The following SYN2 variants were observed in gnomAD, a reference collection of about 807,000 sequenced individuals.
The protein encoded by SYN2 is synapsin II.
In SYN2, 19 loss-of-function variants were observed where a neutral mutation model predicts 50.9. The ratio of observed to expected loss-of-function variants is 0.37; its 90% CI spans 0.26 to 0.55. SYN2 has a LOEUF of 0.55. Ranked by LOEUF, SYN2 falls within the 20% of genes least tolerant of loss-of-function variation. The pLI, the probability that SYN2 is intolerant of heterozygous loss-of-function variation, is 0.81. For missense variants in SYN2, 587 were observed against 576.4 expected (o/e 1.02, Z -0.19); for synonymous variants, 255 against 224.9 (o/e 1.13, Z -1.20).
intron 1 of SYN2, among the ~76,000 whole-genome samples, chr3:12,109,879 T>G (rs1195556989): frequency 2.6e-5 from 4 of 152,170 alleles, no homozygotes; most frequent in Non-Finnish European, 5.9e-5. Context: ...AAATAAAACC[T>G]CTGTATTTTC....
intron 1 of SYN2, among the ~76,000 whole-genome samples, chr3:12,019,042 G>T (rs1416950140): frequency 2.0e-5 from 3 of 152,204 alleles, no homozygotes; most frequent in Non-Finnish European, 4.4e-5. Flanking sequence ...CTCCAATGAT[G>T]CCTCTTATTC....
At chr3:12,020,605 C>G (rs1013915019) in intron 1 of SYN2, among the ~76,000 whole-genome samples, 7 of 152,134 alleles carry the variant, frequency 4.6e-5, no homozygotes, top group Admixed American at 1.3e-4. Context: ...AAGAAGGACT[C>G]TCCAGAGATT....
chr3:12,051,025 G>A (rs985357824), intron 1 of SYN2, among the ~76,000 whole-genome samples: 9 of 151,988 alleles, frequency 5.9e-5, no homozygotes, highest in Admixed American at 1.3e-4. Flanking sequence ...GTGAGCCACC[G>A]CGCCCGGCCT....
chr3:12,092,517 G>C lies in SYN2; in HGVS notation c.378-48134G>C, dbSNP rs1047667013. ...TCATATCTGAATGGCTTTGAAGAGA[G>C]TAAAATTTCTCCAGACAAAGGAACT... On this transcript the variant is annotated intron_variant, in intron 1 of 12. Coordinates refer to ENST00000621198, the MANE Select transcript of SYN2 (RefSeq NM_133625.6). Among the ~76,000 whole-genome samples the C allele has an allele frequency of 3.3e-5, 5 of 152,160 alleles. No homozygotes were observed. In the East Asian group the frequency reaches 9.6e-4, roughly 29 times the overall value.
At chr3:12,126,669 A>T (rs1481149741) in intron 1 of SYN2, among the ~76,000 whole-genome samples, 2 of 152,198 alleles carry the variant, frequency 1.3e-5, no homozygotes, top group Non-Finnish European at 2.9e-5. Context: ...CAGTAGTTGT[A>T]TGACCTTGAA....
At chr3:12,141,826 G>A (rs1334616606) in intron 2 of SYN2, 79 bp from the exon 3 acceptor site, 2 of 759,614 alleles carry the variant, frequency 2.6e-6, no homozygotes, top group East Asian at 4.9e-5. Flanking sequence ...ATGTTTGGTG[G>A]TAGGGATGTT....
intron 1 of SYN2, among the ~76,000 whole-genome samples, chr3:12,087,150 A>C (rs572810181): frequency 6.6e-6 from 1 of 152,344 alleles, no homozygotes; most frequent in East Asian, 1.9e-4. Flanking sequence ...TAGTAAATTT[A>C]ACCAAAGAGG....
chr3:12,053,149 A>C (rs1205611444), intron 1 of SYN2, among the ~76,000 whole-genome samples: 3 of 152,136 alleles, frequency 2.0e-5, no homozygotes, highest in Admixed American at 2.0e-4. Context: ...CCGGCCAGGC[A>C]CGGTGGCTCA....
intron 1 of SYN2, among the ~76,000 whole-genome samples, chr3:12,027,240 T>C (rs1375896717): frequency 6.6e-6 from 1 of 152,188 alleles, no homozygotes. Context: ...CGGAAACATA[T>C]GTTTATTTGT....
chr3:12,028,129 G>GT (rs1425871133), intron 1 of SYN2, among the ~76,000 whole-genome samples: 2 of 143,932 alleles, frequency 1.4e-5, no homozygotes, highest in African/African-American at 5.2e-5. Flanking sequence ...GCGGTGTTTG[G>GT]TTTTTTGTTC....
chr3:12,130,168 G>A (rs1696763190), intron 1 of SYN2, among the ~76,000 whole-genome samples: 1 of 151,858 alleles, frequency 6.6e-6, no homozygotes, highest in African/African-American at 2.4e-5. Context: ...ATATGTGTGT[G>A]TGAGTATACA....
chr3:12,058,569 A>C (rs1695048940), intron 1 of SYN2, among the ~76,000 whole-genome samples: 1 of 152,248 alleles, frequency 6.6e-6, no homozygotes, highest in Admixed American at 6.5e-5. Context: ...TTCTGATAAT[A>C]ATTAAGCACT....
chr3:12,148,172 G>A (rs749052540), intron 4 of SYN2, among the ~76,000 whole-genome samples: 25 of 152,178 alleles, frequency 1.6e-4, no homozygotes, highest in Non-Finnish European at 2.9e-4. Context: ...CAGAGGCCAG[G>A]GCAGGAAGAA....
In SYN2 at chr3:12,151,324, A is replaced by ATT; in HGVS notation, c.773_774insTT (p.Met258IlefsTer3). ...GACATACTACCCCAACCACAAAGAGATGGTAAGTGGCTCAGTGGGGACATT... is the reference window on the plus strand; with the variant it reads ...GACATACTACCCCAACCACAAAGAGATTTGGTAAGTGGCTCAGTGGGGACATT... On this transcript the variant is annotated frameshift_variant and splice_region_variant, in exon 5 of 13. Coordinates refer to ENST00000621198, the MANE Select transcript of SYN2 (RefSeq NM_133625.6). LOFTEE classifies it high-confidence loss of function. The ATT allele has an allele frequency of 6.2e-7, 1 of 1,612,132 alleles. No homozygotes were observed. The highest frequency in any genetic ancestry group is 8.5e-7 in the Non-Finnish European group (1 of 1,178,812).
intron 4 of SYN2, among the ~76,000 whole-genome samples, chr3:12,151,004 A>G (rs9817826): frequency 0.049 from 7,457 of 152,246 alleles, 613 homozygotes; most frequent in African/African-American, 0.17. Context: ...TTGATTTGAA[A>G]CATCATTACA....
At chr3:12,027,395 C>T (rs1234418597) in intron 1 of SYN2, among the ~76,000 whole-genome samples, 2 of 152,164 alleles carry the variant, frequency 1.3e-5, no homozygotes, top group African/African-American at 4.8e-5. Context: ...TAATTAAACA[C>T]ATATGAAAGA....
At chr3:12,040,437 T>C in intron 1 of SYN2, among the ~76,000 whole-genome samples, 1 of 148,658 alleles carries the variant, frequency 6.7e-6, no homozygotes, top group East Asian at 2.0e-4. Flanking sequence ...TTTCTTTTTT[T>C]TTTTTTTTTT....
intron 1 of SYN2, among the ~76,000 whole-genome samples, chr3:12,086,745 C>T (rs1236618636): frequency 6.6e-6 from 1 of 152,048 alleles, no homozygotes; most frequent in African/African-American, 2.4e-5. Context: ...TATGACAAGC[C>T]CACAGCTGAC....
At chr3:12,178,784 G>A (rs555633559) in intron 10 of SYN2, among the ~76,000 whole-genome samples, 2 of 152,340 alleles carry the variant, frequency 1.3e-5, no homozygotes, top group African/African-American at 2.4e-5. Context: ...ACACTCTTTA[G>A]TTTAAGCCTA....
Sources: allele counts gnomAD v4.1 joint callset (sites outside exome capture counted in the v4.1 genomes callset), GRCh38; gene constraint gnomAD v4.1.1; transcripts MANE v1.5; gene names NCBI Gene and HGNC (gene_info 2026-07-23, HGNC 2026-07-21).